The following RECQL5 variants were observed in gnomAD, a reference collection of about 807,000 sequenced individuals.
RECQL5 encodes the protein ATP-dependent DNA helicase Q5.
In RECQL5, 88 loss-of-function variants were observed where a neutral mutation model predicts 103.4. The ratio of observed to expected loss-of-function variants is 0.85; its 90% CI spans 0.72 to 1.02. The LOEUF (loss-of-function observed/expected upper bound fraction) is 1.02, where lower values mean the gene tolerates loss of function less well. Among genes scored for constraint, RECQL5 ranks in the 50% least tolerant of loss-of-function variants. RECQL5 has a pLI of 0.00. For missense variants in RECQL5, 1,232 were observed against 1,284.3 expected (o/e 0.96, Z 0.62); for synonymous variants, 552 against 507.9 (o/e 1.09, Z -1.17).
In RECQL5 at chr17:75,629,715, A is replaced by G. The variant is rs767503954; in HGVS notation, c.1940T>C (p.Val647Ala). 1.2e-6 allele frequency: 2 copies of G among 1,610,694 alleles called. No individual in the cohort carries two copies. Among genetic ancestry groups the G allele is most frequent in the Non-Finnish European group, 1.7e-6 (2 of 1,177,654 alleles). The change falls in exon 15 of 20, where the codon GTG becomes GCG. Residue 647 changes from valine (V) to alanine (A), a missense_variant. Coordinates refer to ENST00000317905, the MANE Select transcript of RECQL5 (RefSeq NM_004259.7). ...CACTGGGCCACAGCTCACCGAGTAC[A>G]CATGGGAGGCTGGTGGAATGTCATA... The part of the protein sequence containing the change: ...NEYDIPPASH[V>A]YSLKPKRVGA...
chr17:75,628,287 C>T lies in RECQL5; in HGVS notation c.2736G>A (p.Leu912=), dbSNP rs772243083. Residue 912 remains leucine (L), a synonymous_variant, in exon 18 of 20, where the codon TTG becomes TTA. Coordinates refer to ENST00000317905, the MANE Select transcript of RECQL5 (RefSeq NM_004259.7). ...PFQLSAPGVS[L]KEAANVVVKC... ...TGACCACAACATTTGCAGCCTCCTT[C>T]AAGGAGACGCCAGGAGCGGAGAGCT... 2 of 1,614,178 alleles carry T rather than the reference C, an allele frequency of 1.2e-6. No individual in the cohort carries two copies. The highest frequency in any genetic ancestry group is 1.3e-5 in the African/African-American group (1 of 75,052).
intron 3 of RECQL5, among the ~76,000 whole-genome samples, chr17:75,664,072 AAG>A (rs1491083078): frequency 2.7e-5 from 4 of 147,032 alleles, no homozygotes; most frequent in Middle Eastern, 3.5e-3. Flanking sequence ...AAAAAAAAAA[AAG>A]AAAGAAAGAA....
chr17:75,628,893 G>T (rs201129454), intron 16 of RECQL5, 41 bp downstream of exon 16: 2 of 1,582,462 alleles, frequency 1.3e-6, no homozygotes, highest in East Asian at 2.2e-5. Flanking sequence ...GGATGCTGCC[G>T]TGTAGGTTCC....
intron 8 of RECQL5, chr17:75,647,503 A>G (rs777799688): frequency 6.5e-7 from 1 of 1,550,372 alleles, no homozygotes; most frequent in Admixed American, 2.0e-5. Context: ...CTTATTTGCC[A>G]TCGTGTTTGG....
At position 75,640,376 on chromosome 17, in the gene RECQL5, G is replaced by A. The variant is rs2059413354; in HGVS notation, c.1230-8708C>T. ...CCATGGCTCTCCCTGGCATCTGGGA[G>A]AGACCACACCATGGTGCCAGCCAGA... On this transcript the variant is annotated intron_variant, in intron 8 of 19. Transcript: ENST00000317905. This position sits in a 1 kb window ranked among gnomAD's most constrained non-coding sequence, Gnocchi z 4.6. 4 of 1,494,388 alleles carry A rather than the reference G, an allele frequency of 2.7e-6. No homozygotes were observed. Among genetic ancestry groups the A allele is most frequent in the Non-Finnish European group, 3.6e-6 (4 of 1,116,186 alleles). 92.6% of individuals were successfully genotyped at this position (1,494,388 alleles called of 1,614,324 possible).
At position 75,661,647 on chromosome 17, in the gene RECQL5, T is replaced by C. The variant is rs2059700936; in HGVS notation, c.833A>G (p.Glu278Gly). 2.5e-6 allele frequency: 4 copies of C among 1,613,912 alleles called. No individual in the cohort carries two copies. Among genetic ancestry groups the C allele is most frequent in the African/African-American group, 2.7e-5 (2 of 74,890 alleles). ...GGCGTTCACACCCCTGCAGCTGAGC[T>C]CTATGGCCAGCTGTTCACAAGCCTC... is the stretch of plus-strand genomic sequence containing the variant. The part of the protein sequence containing the change: ...TREACEQLAI[E>G]LSCRGVNAKA... The change falls in exon 5 of 20, where the codon GAG becomes GGG. Residue 278 changes from glutamate (E) to glycine (G), a missense_variant. Coordinates refer to ENST00000317905, the MANE Select transcript of RECQL5 (RefSeq NM_004259.7).
chr17:75,651,300 T>C (rs200213784), intron 7 of RECQL5, 35 bp from the exon 8 acceptor site: 899 of 1,613,334 alleles, frequency 5.6e-4, no homozygotes, highest in South Asian at 1.2e-3. Flanking sequence ...GCAAGTCTTA[T>C]AGAATTGGAC....
At chr17:75,663,077 T>C in intron 3 of RECQL5, 80 bp from the exon 4 acceptor site, 2 of 1,370,304 alleles carry the variant, frequency 1.5e-6, no homozygotes, top group Non-Finnish European at 1.0e-6. Flanking sequence ...GATTTCCCAG[T>C]CATAAACTGT....
chr17:75,628,187 G>A, intron 18 of RECQL5, 31 bp downstream of exon 18: 1 of 1,574,766 alleles, frequency 6.4e-7, no homozygotes, highest in Non-Finnish European at 8.7e-7. Context: ...CCCAGGCATG[G>A]GAGAAGGCAG....
chr17:75,632,826 C>G (rs548715720), intron 8 of RECQL5, among the ~76,000 whole-genome samples: 2 of 152,200 alleles, frequency 1.3e-5, no homozygotes, highest in Non-Finnish European at 2.9e-5. Context: ...AGAGGAGATG[C>G]TGGAACACAG....
chr17:75,653,714 T>C (rs2059582891), intron 7 of RECQL5, among the ~76,000 whole-genome samples: 2 of 151,884 alleles, frequency 1.3e-5, no homozygotes. Flanking sequence ...GCCTGGCCAA[T>C]GTGGTGAAAC....
chr17:75,634,042 A>C, intron 8 of RECQL5: 1 of 985,576 alleles, frequency 1.0e-6, no homozygotes, highest in African/African-American at 1.7e-5. Context: ...AGGACGACCA[A>C]CAACAAAAAA....
chr17:75,666,351 TGAG>T, intron 2 of RECQL5, 74 bp downstream of exon 2: 2 of 1,512,652 alleles, frequency 1.3e-6, no homozygotes, highest in Non-Finnish European at 1.8e-6. Flanking sequence ...GTACGAAGGG[TGAG>T]GAGGAGGGTG....
At position 75,628,368 on chromosome 17, in the gene RECQL5, G is replaced by A. The variant is rs781695894; in HGVS notation, c.2655C>T (p.Gly885=). Residue 885 remains glycine, a synonymous_variant, in exon 18 of 20, where the codon GGC becomes GGT. Transcript: ENST00000317905. The part of the protein sequence containing the change: ...AKPSVVAEVK[G]SVSASEQGTL... Reference sequence around the variant, plus strand: ...TGCCCTGTTCGCTGGCCGAGACGCTGCCCTTGACCTCAGCTACGACGGAGG... The same window carrying A: ...TGCCCTGTTCGCTGGCCGAGACGCTACCCTTGACCTCAGCTACGACGGAGG... The A allele has an allele frequency of 1.9e-6, 3 of 1,614,086 alleles. No individual in the cohort carries two copies. The Admixed American group carries it at 5.0e-5, about 27-fold the overall frequency.
chr17:75,641,093 C>T, intron 8 of RECQL5: 1 of 978,206 alleles, frequency 1.0e-6, no homozygotes, highest in Non-Finnish European at 1.4e-6. Context: ...GCAAACCTCT[C>T]ATCTGCCAGT....
At chr17:75,650,573 A>G in intron 8 of RECQL5, 1 of 1,557,548 alleles carries the variant, frequency 6.4e-7, no homozygotes, top group South Asian at 1.2e-5. Context: ...CCATGAGATG[A>G]GATGAATCCA....
At chr17:75,658,997 C>A (rs1277033322) in intron 6 of RECQL5, among the ~76,000 whole-genome samples, 2 of 152,126 alleles carry the variant, frequency 1.3e-5, no homozygotes, top group African/African-American at 4.8e-5. Context: ...GGGGTGTCTG[C>A]CTTCAAAACT....
chr17:75,628,307 A>G lies in RECQL5; in HGVS notation c.2716T>C (p.Ser906Pro), dbSNP rs372221920. Reference protein sequence around the residue: ...NPTAQDPFQLSAPGVSLKEAA... With the variant: ...NPTAQDPFQLPAPGVSLKEAA... The stretch of plus-strand genomic sequence containing the variant: ...TCCTTCAAGGAGACGCCAGGAGCGG[A>G]GAGCTGGAAGGGGTCTTGAGCCGTG... Residue 906 changes from serine to proline, a missense_variant, in exon 18 of 20, where the codon TCC (serine) becomes CCC (proline). Transcript: ENST00000317905. The G allele has an allele frequency of 3.7e-6, 6 of 1,614,040 alleles. No homozygotes were observed. Among genetic ancestry groups the G allele is most frequent in the Non-Finnish European group, 4.2e-6 (5 of 1,180,026 alleles).
intron 7 of RECQL5, among the ~76,000 whole-genome samples, chr17:75,657,385 G>T (rs114995573): frequency 6.6e-6 from 1 of 152,026 alleles, no homozygotes; most frequent in African/African-American, 2.4e-5. Flanking sequence ...AACACAGAGA[G>T]ACCCCATCTC....
Sources: gnomAD v4.1 joint callset for allele counts (sites outside exome capture counted in the v4.1 genomes callset) on GRCh38, gnomAD v4.1.1 for gene constraint, Gnocchi (gnomAD v3.1) non-coding constraint, MANE v1.5 for transcripts, NCBI Gene and HGNC (gene_info 2026-07-23, HGNC 2026-07-21) for gene names.